GRM8: variants seen among roughly 807,000 people sequenced by gnomAD.
GRM8 encodes glutamate metabotropic receptor 8, also known as metabotropic glutamate receptor 8.
GRM8 carries 47 observed loss-of-function variants against 87.2 expected under a neutral mutation model. That is an observed-to-expected ratio of 0.54 (90% CI 0.43 to 0.69). The LOEUF (loss-of-function observed/expected upper bound fraction) is 0.69. GRM8 is among the 30% of genes least tolerant of loss of function. The pLI, the probability that GRM8 is intolerant of heterozygous loss-of-function variation, is 0.00. For missense variants in GRM8, 1,019 were observed against 1,139.2 expected (o/e 0.89, Z 1.52); for synonymous variants, 396 against 404.5 (o/e 0.98, Z 0.25).
rs554218037 is a variant in GRM8 at position 126,749,253 on chromosome 7, G to C, written c.1357+20612C>G. Among the ~76,000 whole-genome samples, 9 of 152,080 alleles carry C rather than the reference G, an allele frequency of 5.9e-5. No homozygotes were observed. In the East Asian group the frequency reaches 1.7e-3, roughly 29 times the overall value. On this transcript the variant is annotated intron_variant, in intron 7 of 10. Coordinates refer to ENST00000339582, the MANE Select transcript of GRM8 (RefSeq NM_000845.3). ...GATCATGCCACTGCACTCCAGCCTA[G>C]GTGACAGAGTGAGACTCCATCTCAA...
intron 3 of GRM8, among the ~76,000 whole-genome samples, chr7:126,979,618 T>C (rs1397079962): frequency 1.3e-5 from 2 of 152,206 alleles, no homozygotes; most frequent in East Asian, 1.9e-4. Context: ...TAGTCATCTA[T>C]GAAAGCCTCT....
At chr7:126,623,167 T>C (rs1007411396) in intron 7 of GRM8, among the ~76,000 whole-genome samples, 2 of 152,180 alleles carry the variant, frequency 1.3e-5, no homozygotes, top group Non-Finnish European at 2.9e-5. Context: ...ATCCATTAGC[T>C]TTCATACATG....
At chr7:127,072,841 T>C (rs1821853713) in intron 3 of GRM8, among the ~76,000 whole-genome samples, 1 of 152,156 alleles carries the variant, frequency 6.6e-6, no homozygotes, top group African/African-American at 2.4e-5. Context: ...TAGGGAGTTC[T>C]TGAAGATGGG....
In GRM8 at chr7:126,588,410, TAA is replaced by T. The variant is rs1796365473; in HGVS notation, c.1494+20950_1494+20951del. Among the ~76,000 whole-genome samples, 8 of 152,152 alleles carry T rather than the reference TAA, an allele frequency of 5.3e-5. No homozygotes were observed. In the South Asian group the frequency reaches 1.7e-3, roughly 32 times the overall value. ...GCAGTTTGCAGAATTCTCAAAGAAC[TAA>T]GAGTTGAACTACCATTCGACCCAGC... is the stretch of plus-strand genomic sequence containing the variant. On this transcript the variant is annotated intron_variant, in intron 8 of 10. Coordinates refer to ENST00000339582, the MANE Select transcript of GRM8 (RefSeq NM_000845.3).
At chr7:126,585,641 T>C (rs1221938804) in intron 8 of GRM8, among the ~76,000 whole-genome samples, 1 of 152,124 alleles carries the variant, frequency 6.6e-6, no homozygotes, top group Non-Finnish European at 1.5e-5. Context: ...CCCTTCATGC[T>C]AAAAACTCTC....
rs78264209 is a variant in GRM8 at position 126,991,229 on chromosome 7, C to T, written c.728-86546G>A. Among the ~76,000 whole-genome samples, 1,321 of 152,152 alleles carry T rather than the reference C, an allele frequency of 8.7e-3. 10 individuals are homozygous for T. Among genetic ancestry groups the T allele is most frequent in the Non-Finnish European group, 0.014 (931 of 67,984 alleles). On this transcript the variant is annotated intron_variant, in intron 3 of 10. Transcript: ENST00000339582. ...ATGTGAATCTTTACTGTTCCACTTA[C>T]TAGGTTATTTTCAGGACATTCAATC...
intron 3 of GRM8, among the ~76,000 whole-genome samples, chr7:127,098,386 T>C (rs1232396069): frequency 2.0e-5 from 3 of 152,236 alleles, no homozygotes; most frequent in Non-Finnish European, 1.5e-5. Context: ...CTTTCTGTCA[T>C]TGAAAATACT....
At chr7:126,811,510 C>T (rs1563209806) in intron 6 of GRM8, among the ~76,000 whole-genome samples, 1 of 151,708 alleles carries the variant, frequency 6.6e-6, no homozygotes. Flanking sequence ...GGATGTTGTT[C>T]CATTTTTTAA....
At chr7:126,463,648 C>T (rs1051259019) in intron 9 of GRM8, among the ~76,000 whole-genome samples, 3 of 151,564 alleles carry the variant, frequency 2.0e-5, no homozygotes, top group African/African-American at 7.3e-5. Flanking sequence ...TTCATATAGC[C>T]TTCAGTACCA....
chr7:126,957,440 C>G (rs1458404649), intron 3 of GRM8, among the ~76,000 whole-genome samples: 1 of 152,104 alleles, frequency 6.6e-6, no homozygotes, highest in Non-Finnish European at 1.5e-5. Flanking sequence ...CTGCAGCCAC[C>G]CAGCTGCAGC....
At chr7:126,486,179 C>G (rs903243547) in intron 9 of GRM8, among the ~76,000 whole-genome samples, 6 of 152,034 alleles carry the variant, frequency 3.9e-5, no homozygotes, top group African/African-American at 1.4e-4. Flanking sequence ...GTAACTTTCT[C>G]GTGGTAAGAG....
At chr7:126,683,574 T>C (rs1053641185) in intron 7 of GRM8, among the ~76,000 whole-genome samples, 4 of 152,152 alleles carry the variant, frequency 2.6e-5, no homozygotes, top group African/African-American at 9.7e-5. Context: ...CTTTCTCCCC[T>C]CCCTCCATCT....
intron 3 of GRM8, among the ~76,000 whole-genome samples, chr7:126,914,180 C>T (rs4731337): frequency 0.057 from 8,746 of 152,196 alleles, 532 homozygotes; most frequent in African/African-American, 0.15. Context: ...AAATGCTCAA[C>T]ATCACTGGTC....
Position 127,226,683 on chromosome 7 carries a change from C to T in GRM8, c.510+16012G>A, listed in dbSNP as rs140847379. On this transcript the variant is annotated intron_variant, in intron 2 of 10. Coordinates refer to ENST00000339582, the MANE Select transcript of GRM8 (RefSeq NM_000845.3). ...ATATAACGTTAAATTTGAAAATTAACGCCTCAAGTTAATTTGGCTCTTTCT... is the reference window on the plus strand; with the variant it reads ...ATATAACGTTAAATTTGAAAATTAATGCCTCAAGTTAATTTGGCTCTTTCT... Among the ~76,000 whole-genome samples, 82 of 152,308 alleles carry T rather than the reference C, an allele frequency of 5.4e-4. 2 individuals carry two copies. The highest frequency in any genetic ancestry group is 6.8e-3 in the Middle Eastern group (2 of 294).
Position 126,599,934 on chromosome 7 carries a change from G to A in GRM8, c.1494+9428C>T, listed in dbSNP as rs1048971689. On this transcript the variant is annotated intron_variant, in intron 8 of 10. Coordinates refer to ENST00000339582, the MANE Select transcript of GRM8 (RefSeq NM_000845.3). ...AGAGCATTGGCAAACTGGAGGTGCT[G>A]TTTTACAAAATGAATATATGAATGG... Among the ~76,000 whole-genome samples, 87 of 152,066 alleles carry A rather than the reference G, an allele frequency of 5.7e-4. 1 individual carries two copies. The highest frequency in any genetic ancestry group is 5.9e-5 in the Non-Finnish European group (4 of 67,982).
chr7:127,167,851 C>G (rs1404433254), intron 2 of GRM8, among the ~76,000 whole-genome samples: 1 of 152,034 alleles, frequency 6.6e-6, no homozygotes, highest in African/African-American at 2.4e-5. Flanking sequence ...TGAAAGGAAG[C>G]CTCTCACTAT....
chr7:127,092,287 G>A (rs1442259662), intron 3 of GRM8, among the ~76,000 whole-genome samples: 1 of 151,990 alleles, frequency 6.6e-6, no homozygotes, highest in African/African-American at 2.4e-5. Flanking sequence ...CCTTATCTAA[G>A]TCTGGATTTG....
chr7:126,788,024 A>T, intron 6 of GRM8, among the ~76,000 whole-genome samples: 1 of 152,184 alleles, frequency 6.6e-6, no homozygotes, highest in Non-Finnish European at 1.5e-5. Context: ...AAAGTACCAC[A>T]TTAAAAAATG....
Position 127,058,143 on chromosome 7 carries a change from A to G in GRM8, c.727+48353T>C, listed in dbSNP as rs1449251560. On this transcript the variant is annotated intron_variant, in intron 3 of 10. Coordinates refer to ENST00000339582, the MANE Select transcript of GRM8 (RefSeq NM_000845.3). ...CACCACGTGATGACGCTGTGCCATCACAACACATCATCGCATATTGACACA... is the reference window on the plus strand; with the variant it reads ...CACCACGTGATGACGCTGTGCCATCGCAACACATCATCGCATATTGACACA... 5.7e-6 allele frequency: 3 copies of G among 522,370 alleles called. No individual in the cohort carries two copies. In the African/African-American group the frequency reaches 5.8e-5, roughly 10 times the overall value. 32.4% of individuals were successfully genotyped at this position (522,370 alleles called of 1,614,324 possible).
Sources: gnomAD v4.1 joint callset for allele counts (sites outside exome capture counted in the v4.1 genomes callset) on GRCh38, gnomAD v4.1.1 for gene constraint, MANE v1.5 for transcripts, NCBI Gene and HGNC (gene_info 2026-07-23, HGNC 2026-07-21) for gene names.